LINGO2: variants seen among roughly 807,000 people sequenced by gnomAD.
LINGO2 encodes leucine rich repeat and Ig domain containing 2, also known as leucine-rich repeat and immunoglobulin-like domain-containing nogo receptor-interacting protein 2.
In LINGO2, 14 loss-of-function variants were observed where a neutral mutation model predicts 30.6. That is an observed-to-expected ratio of 0.46 (90% CI 0.30 to 0.72). The LOEUF is 0.72. Among genes scored for constraint, LINGO2 ranks in the 30% least tolerant of loss-of-function variants. The pLI is 0.07. For missense variants in LINGO2, 729 were observed against 751.7 expected (o/e 0.97, Z 0.35); for synonymous variants, 317 against 288.5 (o/e 1.10, Z -1.00).
chr9:28,855,129 G>T, the LINGO2 span, among the ~76,000 whole-genome samples: 6 of 151,822 alleles, frequency 4.0e-5, no homozygotes, highest in African/African-American at 1.5e-4. Context: ...TTCTTTAGTG[G>T]GTGCTCTTCC....
chr9:28,960,406 A>C, the LINGO2 span, among the ~76,000 whole-genome samples: 1 of 151,694 alleles, frequency 6.6e-6, no homozygotes, highest in Non-Finnish European at 1.5e-5. Flanking sequence ...AGGCTGAGGC[A>C]GGAGAATCAC....
intron 1 of LINGO2, among the ~76,000 whole-genome samples, chr9:28,483,426 C>T (rs994719683): frequency 4.6e-5 from 7 of 151,882 alleles, no homozygotes; most frequent in African/African-American, 1.7e-4. Context: ...TGACCCTCTG[C>T]AAATGATGTT....
chr9:29,174,853 CT>C, the LINGO2 span, among the ~76,000 whole-genome samples: 1 of 152,158 alleles, frequency 6.6e-6, no homozygotes, highest in African/African-American at 2.4e-5. Flanking sequence ...TGTTGGATAA[CT>C]TTTAGTATAT....
At chr9:28,010,860 T>G (rs2119243906) in intron 5 of LINGO2, among the ~76,000 whole-genome samples, 1 of 152,058 alleles carries the variant, frequency 6.6e-6, no homozygotes, top group East Asian at 1.9e-4. Flanking sequence ...GAGGCCGAGG[T>G]GGAAGGATGA....
chr9:28,119,514 G>T (rs7034231), intron 4 of LINGO2, among the ~76,000 whole-genome samples: 129,027 of 152,190 alleles, frequency 0.85, 54,820 homozygotes, highest in East Asian at 0.96. Flanking sequence ...ACATAATTCA[G>T]GGGGATGTGC....
At chr9:28,001,301 C>T (rs185122339) in intron 5 of LINGO2, among the ~76,000 whole-genome samples, 5 of 152,178 alleles carry the variant, frequency 3.3e-5, no homozygotes, top group Non-Finnish European at 7.3e-5. Flanking sequence ...TTTCACACAA[C>T]CTCCAGGGAT....
At chr9:28,708,381 A>G in the LINGO2 span, among the ~76,000 whole-genome samples, 14 of 152,158 alleles carry the variant, frequency 9.2e-5, no homozygotes, top group Non-Finnish European at 1.8e-4. Context: ...TTAGTTTTGC[A>G]TCATGAGGTT....
Position 28,354,863 on chromosome 9 carries a change from C to T in LINGO2, c.-246+17973G>A, listed in dbSNP as rs113022726. Among the ~76,000 whole-genome samples the T allele has an allele frequency of 1.7e-3, 266 of 152,158 alleles. 3 individuals are homozygous for T. The highest frequency in any genetic ancestry group is 5.6e-3 in the African/African-American group (232 of 41,502). On this transcript the variant is annotated intron_variant, in intron 3 of 5. Transcript: ENST00000379992. Reference sequence around the variant, plus strand: ...TGTTGTTGTCAGCAGCTAAGAGCAGCCAAATAAAACCTAGTGATATCATAT... The same window carrying T: ...TGTTGTTGTCAGCAGCTAAGAGCAGTCAAATAAAACCTAGTGATATCATAT...
At chr9:27,972,647 T>G (rs575970032) in intron 5 of LINGO2, among the ~76,000 whole-genome samples, 8 of 152,332 alleles carry the variant, frequency 5.3e-5, no homozygotes, top group Non-Finnish European at 1.0e-4. Context: ...TTAACTTTTC[T>G]GTCCACGCAG....
the LINGO2 span, among the ~76,000 whole-genome samples, chr9:28,984,940 T>A: frequency 1.3e-5 from 2 of 152,084 alleles, no homozygotes; most frequent in Non-Finnish European, 2.9e-5. Context: ...ATTCACCACA[T>A]TATGTGACAT....
the LINGO2 span, among the ~76,000 whole-genome samples, chr9:29,184,709 T>C: frequency 1.3e-5 from 2 of 149,886 alleles, no homozygotes; most frequent in Non-Finnish European, 3.0e-5. Flanking sequence ...CCTTCTCTCC[T>C]CCCTCCCTCC....
the LINGO2 span, among the ~76,000 whole-genome samples, chr9:28,851,691 CTTTA>C: frequency 2.0e-5 from 3 of 151,878 alleles, no homozygotes; most frequent in Non-Finnish European, 4.4e-5. Flanking sequence ...TTTAATATAA[CTTTA>C]TTTAATATAG....
chr9:28,078,888 T>C lies in LINGO2; in HGVS notation c.-86-66483A>G, dbSNP rs542926758. ...TATAGACTCTTCTACTGAAATCTTA[T>C]AGGCCAAGTGGGAGCACATTTCAGC... On this transcript the variant is annotated intron_variant, in intron 4 of 5. Coordinates refer to ENST00000379992, the Ensembl canonical transcript of LINGO2. Among the ~76,000 whole-genome samples the C allele has an allele frequency of 3.3e-4, 49 of 148,178 alleles. 6 individuals carry two copies. The highest frequency in any genetic ancestry group is 2.0e-3 in the Admixed American group (30 of 15,138).
At chr9:28,489,990 C>T (rs1046262819) in intron 1 of LINGO2, among the ~76,000 whole-genome samples, 3 of 150,442 alleles carry the variant, frequency 2.0e-5, no homozygotes, top group Admixed American at 6.6e-5. Flanking sequence ...ATTAGCAGAC[C>T]AATATTTATA....
intron 4 of LINGO2, among the ~76,000 whole-genome samples, chr9:28,055,594 C>G (rs1824892994): frequency 6.6e-6 from 1 of 152,172 alleles, no homozygotes; most frequent in African/African-American, 2.4e-5. Flanking sequence ...TCTAATTTCT[C>G]AAAATGTTTT....
the LINGO2 span, among the ~76,000 whole-genome samples, chr9:28,717,052 G>C: frequency 6.8e-4 from 103 of 152,092 alleles, no homozygotes; most frequent in African/African-American, 2.1e-3. Context: ...GTAACTATGA[G>C]ACAGCAATTT....
rs553236993 is a variant in LINGO2 at position 28,275,225 on chromosome 9, C to T, written c.-87+19983G>A. Among the ~76,000 whole-genome samples the T allele has an allele frequency of 2.0e-4, 30 of 152,076 alleles. 1 individual carries two copies. The highest frequency in any genetic ancestry group is 5.8e-4 in the African/African-American group (24 of 41,480). ...CTGGGACTACAGGCACCCGCCACCA[C>T]GCTTGGCTAATTTTTTGTATTTTTT... On this transcript the variant is annotated intron_variant, in intron 4 of 5. Coordinates refer to ENST00000379992, the Ensembl canonical transcript of LINGO2.
At chr9:29,105,743 C>A in the LINGO2 span, among the ~76,000 whole-genome samples, 7 of 152,146 alleles carry the variant, frequency 4.6e-5, no homozygotes, top group African/African-American at 1.7e-4. Flanking sequence ...CTCCTACTAT[C>A]CTGGAAGAAG....
the LINGO2 span, among the ~76,000 whole-genome samples, chr9:29,043,695 A>G: frequency 1.7e-4 from 26 of 152,152 alleles, no homozygotes; most frequent in Middle Eastern, 3.4e-3. Flanking sequence ...AAGAATGAAA[A>G]CAAATAATAC....
Sources: allele counts gnomAD v4.1 joint callset (sites outside exome capture counted in the v4.1 genomes callset), GRCh38; gene constraint gnomAD v4.1.1; transcripts MANE v1.5; gene names NCBI Gene and HGNC (gene_info 2026-07-23, HGNC 2026-07-21).